The following ISM1 variants were observed in gnomAD, a reference collection of about 807,000 sequenced individuals.
ISM1 encodes the protein isthmin-1.
ISM1 carries 25 observed loss-of-function variants against 46.3 expected under a neutral mutation model. The ratio of observed to expected loss-of-function variants is 0.54; its 90% CI spans 0.39 to 0.75. The LOEUF (loss-of-function observed/expected upper bound fraction) is 0.75. Ranked by LOEUF, ISM1 falls within the 30% of genes least tolerant of loss-of-function variation. The probability of loss-of-function intolerance (pLI) is 0.00; values close to 1 mark genes in which losing one functional copy is unlikely to be tolerated. For synonymous variants in ISM1, 255 were observed against 256.7 expected (o/e 0.99, Z 0.06); for missense variants, 536 against 625.4 (o/e 0.86, Z 1.52).
chr20:13,272,265 T>C (rs554540648), intron 2 of ISM1, among the ~76,000 whole-genome samples: 1 of 152,222 alleles, frequency 6.6e-6, no homozygotes, highest in East Asian at 1.9e-4. Context: ...CATGATACGG[T>C]TTTAGATCAG....
intron 1 of ISM1, among the ~76,000 whole-genome samples, chr20:13,261,425 C>CAAA (rs61066966): frequency 9.5e-6 from 1 of 105,246 alleles, no homozygotes; most frequent in African/African-American, 3.6e-5. Flanking sequence ...AACTCTGTCT[C>CAAA]AAAAAAAAAA....
At chr20:13,275,729 T>C (rs2040171716) in intron 2 of ISM1, among the ~76,000 whole-genome samples, 2 of 152,240 alleles carry the variant, frequency 1.3e-5, no homozygotes, top group African/African-American at 4.8e-5. Flanking sequence ...GGGCCCAGTA[T>C]AGGATAAGCT....
rs942939346 is a variant in ISM1, at chr20:13,299,604, T to C, written c.*145T>C. Reference sequence around the variant, plus strand: ...CATGAGTATTTCTCATACATTACGCTAGGGGCGTGTGCCACGCCCAGGGGA... The same window carrying C: ...CATGAGTATTTCTCATACATTACGCCAGGGGCGTGTGCCACGCCCAGGGGA... On this transcript the variant is annotated 3_prime_UTR_variant, in exon 6 of 6. Transcript: ENST00000262487. This position sits in a 1 kb window ranked among gnomAD's most constrained non-coding sequence, Gnocchi z 5.8. 3 of 803,972 alleles carry C rather than the reference T, an allele frequency of 3.7e-6. No individual in the cohort carries two copies. Among genetic ancestry groups the C allele is most frequent in the Non-Finnish European group, 5.8e-6 (3 of 518,986 alleles). 49.8% of individuals were successfully genotyped at this position (803,972 alleles called of 1,614,324 possible).
chr20:13,244,110 T>C (rs2039764872), intron 1 of ISM1: 1 of 152,184 alleles, frequency 6.6e-6, no homozygotes, highest in South Asian at 2.1e-4. Flanking sequence ...CCAAACAAGG[T>C]ACTTTGCTAT....
intron 2 of ISM1, among the ~76,000 whole-genome samples, chr20:13,277,712 C>T (rs2040196178): frequency 6.6e-6 from 1 of 151,072 alleles, no homozygotes. Flanking sequence ...CAAAGGGTGC[C>T]TACAAGACTG....
At chr20:13,303,634 G>A (rs1467787232), downstream of ISM1, among the ~76,000 whole-genome samples, 1 of 152,194 alleles carries the variant, frequency 6.6e-6, no homozygotes, top group African/African-American at 2.4e-5. Flanking sequence ...CAGTGGGCCT[G>A]GACTCCAATC....
chr20:13,224,666 C>A (rs2123118314), intron 1 of ISM1, among the ~76,000 whole-genome samples: 1 of 151,532 alleles, frequency 6.6e-6, no homozygotes, highest in East Asian at 1.9e-4. Context: ...GTTTATTTAC[C>A]TGAATTGTAG....
rs112532029 is a variant in ISM1 at position 13,225,054 on chromosome 20, C to T, written c.138+3140C>T. On this transcript the variant is annotated intron_variant, in intron 1 of 5. Coordinates refer to ENST00000262487, the MANE Select transcript of ISM1 (RefSeq NM_080826.2). ...ATTTTTAGTAGAGACGGGGTTTCAC[C>T]GTGTTAGCCAGGATGGTCTCACTCT... is the stretch of plus-strand genomic sequence containing the variant. 3.2e-3 allele frequency among the ~76,000 whole-genome samples: 482 copies of T among 151,014 alleles called. 3 individuals are homozygous for T. The highest frequency in any genetic ancestry group is 4.1e-3 in the Non-Finnish European group (275 of 67,762).
chr20:13,262,378 A>G (rs908891952), intron 1 of ISM1, among the ~76,000 whole-genome samples: 13 of 152,122 alleles, frequency 8.5e-5, no homozygotes, highest in African/African-American at 2.7e-4. Flanking sequence ...GGCTTTATCA[A>G]AGTGGTTCTG....
intron 1 of ISM1, among the ~76,000 whole-genome samples, chr20:13,252,335 A>G (rs1195766488): frequency 6.6e-6 from 1 of 152,208 alleles, no homozygotes; most frequent in Non-Finnish European, 1.5e-5. Flanking sequence ...ACCTTCATAC[A>G]TGAATCATTG....
chr20:13,245,062 C>T (rs927609280), intron 1 of ISM1, among the ~76,000 whole-genome samples: 4 of 152,148 alleles, frequency 2.6e-5, no homozygotes, highest in Non-Finnish European at 5.9e-5. Flanking sequence ...GATTTTAATA[C>T]CAAAAAGCAC....
At chr20:13,228,173 A>G (rs1426548867) in intron 1 of ISM1, among the ~76,000 whole-genome samples, 1 of 151,382 alleles carries the variant, frequency 6.6e-6, no homozygotes, top group Non-Finnish European at 1.5e-5. Context: ...GAGTTTCACC[A>G]TGTTGGCCAG....
rs746319100 is a variant in ISM1 at position 13,279,760 on chromosome 20, G to T, written c.505G>T (p.Ala169Ser). ...CTGGTGGCAGAGGTCCCTGTCCTTG[G>T]CCAGGGCAAACAGCGGGGACCAGGA... is the stretch of plus-strand genomic sequence containing the variant. ...RAWWQRSLSLARANSGDQDYK... is the reference protein window; with the variant it reads ...RAWWQRSLSLSRANSGDQDYK... The change falls in exon 3 of 6, where the codon GCC (alanine) becomes TCC (serine). Residue 169 changes from alanine (A) to serine (S), a missense_variant. Transcript: ENST00000262487. 1 of 1,613,986 alleles carries T rather than the reference G, an allele frequency of 6.2e-7. No homozygotes were observed. Among genetic ancestry groups the T allele is most frequent in the East Asian group, 2.2e-5 (1 of 44,880 alleles).
chr20:13,286,709 C>T (rs1181861503), intron 3 of ISM1, among the ~76,000 whole-genome samples: 1 of 152,182 alleles, frequency 6.6e-6, no homozygotes. Flanking sequence ...GGCTCCACAG[C>T]CCTGTGTTTG....
chr20:13,292,925 G>A (rs147236228), intron 5 of ISM1, among the ~76,000 whole-genome samples: 388 of 152,182 alleles, frequency 2.5e-3, no homozygotes, highest in African/African-American at 8.6e-3. Flanking sequence ...GGCCAGGCGC[G>A]GTGGGTCATG....
chr20:13,266,160 G>A (rs921323879), intron 1 of ISM1, among the ~76,000 whole-genome samples: 6 of 152,152 alleles, frequency 3.9e-5, no homozygotes, highest in African/African-American at 1.2e-4. Flanking sequence ...GGGAAATGTA[G>A]TTTTTGCCAG....
In ISM1 at chr20:13,227,479, A is replaced by G. The variant is rs559118020; in HGVS notation, c.138+5565A>G. Among the ~76,000 whole-genome samples the G allele has an allele frequency of 4.5e-4, 67 of 147,612 alleles. No homozygotes were observed. In the South Asian group the frequency reaches 0.014, roughly 30 times the overall value. Reference sequence around the variant, plus strand: ...CGACCTCCCAAAGTGCTGGGATTACAGGTGTGAGCCACCATGCCCAGCCCA... The same window carrying G: ...CGACCTCCCAAAGTGCTGGGATTACGGGTGTGAGCCACCATGCCCAGCCCA... On this transcript the variant is annotated intron_variant, in intron 1 of 5. Transcript: ENST00000262487.
chr20:13,258,589 C>G lies in ISM1; in HGVS notation c.139-11915C>G, dbSNP rs78925429. ...ACATGTTCTCTGTTGAACATCTCCC[C>G]CTTCATGACCACATCCCAAAAGAAA... On this transcript the variant is annotated intron_variant, in intron 1 of 5. Coordinates refer to ENST00000262487, the MANE Select transcript of ISM1 (RefSeq NM_080826.2). Among the ~76,000 whole-genome samples the G allele has an allele frequency of 9.5e-3, 1,441 of 152,204 alleles. 14 individuals are homozygous for G. The highest frequency in any genetic ancestry group is 0.02 in the Middle Eastern group (6 of 294).
At chr20:13,225,797 G>A (rs1437437331) in intron 1 of ISM1, among the ~76,000 whole-genome samples, 1 of 152,024 alleles carries the variant, frequency 6.6e-6, no homozygotes, top group Non-Finnish European at 1.5e-5. Context: ...ATTAGAATAA[G>A]TTTGTCTCAT....
Sources: allele counts gnomAD v4.1 joint callset (sites outside exome capture counted in the v4.1 genomes callset), GRCh38; gene constraint gnomAD v4.1.1; non-coding constraint Gnocchi (gnomAD v3.1); transcripts MANE v1.5; gene names NCBI Gene and HGNC (gene_info 2026-07-23, HGNC 2026-07-21).